Variants in ZMPSTE24 observed in about 807,000 individuals in gnomAD.
The protein encoded by ZMPSTE24 is zinc metallopeptidase STE24, also known as CAAX prenyl protease 1 homolog.
Under a neutral mutation model 56.7 loss-of-function variants are expected in ZMPSTE24, and 48 were observed. The ratio of observed to expected loss-of-function variants is 0.85; its 90% CI spans 0.67 to 1.08. The LOEUF (loss-of-function observed/expected upper bound fraction) is 1.08. Among genes scored for constraint, ZMPSTE24 ranks in the 50% least tolerant of loss-of-function variants. The pLI, the probability that ZMPSTE24 is intolerant of heterozygous loss-of-function variation, is 0.00. For missense variants in ZMPSTE24, 503 were observed against 548.7 expected (o/e 0.92, Z 0.83); for synonymous variants, 172 against 195.2 (o/e 0.88, Z 0.99).
rs1187525841 is a variant in ZMPSTE24 at position 40,293,983 on chromosome 1, A to G, written c.*1314A>G. The G allele has an allele frequency of 1.3e-5, 2 of 152,648 alleles. No individual in the cohort carries two copies. The highest frequency in any genetic ancestry group is 4.8e-5 in the African/African-American group (2 of 41,448). The allele number at this position is 152,648 out of a possible 1,614,324, so 9.5% of individuals were successfully genotyped here. A position where few individuals can be genotyped will look rare whatever the true frequency, so the allele number is the denominator to read the frequency against. ...TTGGGTGATGTCTTCACATGGAAAT[A>G]TAATAAAAATAAAAATCTAGTTTAA... On this transcript the variant is annotated 3_prime_UTR_variant, in exon 10 of 10. Coordinates refer to ENST00000372759, the MANE Select transcript of ZMPSTE24 (RefSeq NM_005857.5).
At position 40,260,855 on chromosome 1, in the gene ZMPSTE24, C is replaced by G. The variant is rs1444916145; in HGVS notation, c.140C>G (p.Thr47Arg). Residue 47 changes from threonine (T) to arginine (R), a missense_variant, in exon 2 of 10, where the codon ACA (threonine) becomes AGA (arginine). Physicochemically the swap from Thr to Arg is moderately conservative, Grantham distance 71. Coordinates refer to ENST00000372759, the MANE Select transcript of ZMPSTE24 (RefSeq NM_005857.5). ...LAQRQRRIYK[T>R]TTHVPPELGQ... ...ATATTTCAGAGAAGGATATATAAAA[C>G]AACAACTCATGTACCACCGGAGTTA... 4 of 1,613,572 alleles carry G rather than the reference C, an allele frequency of 2.5e-6. No individual in the cohort carries two copies. Among genetic ancestry groups the G allele is most frequent in the Non-Finnish European group, 3.4e-6 (4 of 1,179,662 alleles).
chr1:40,261,120 TG>T (rs1643492884), intron 2 of ZMPSTE24, 135 bp downstream of exon 2: 1 of 1,124,110 alleles, frequency 8.9e-7, no homozygotes, highest in East Asian at 2.4e-5. Flanking sequence ...GTAACGGCTG[TG>T]GAGCAAAAAA....
intron 2 of ZMPSTE24, among the ~76,000 whole-genome samples, chr1:40,263,396 C>T (rs1034949128): frequency 6.6e-6 from 1 of 152,132 alleles, no homozygotes; most frequent in African/African-American, 2.4e-5. Flanking sequence ...AATGAGGAAG[C>T]AAAGGCTTGG....
In ZMPSTE24 at chr1:40,292,907, T is replaced by G. The variant is rs1256631819; in HGVS notation, c.*238T>G. On this transcript the variant is annotated 3_prime_UTR_variant, in exon 10 of 10. Coordinates refer to ENST00000372759, the MANE Select transcript of ZMPSTE24 (RefSeq NM_005857.5). ...CATAGTTTTATCTTTGACATCTAAT[T>G]TACCATCAAGTTGTAAAATTATTTG... is the stretch of plus-strand genomic sequence containing the variant. The G allele has an allele frequency of 7.2e-6, 3 of 414,586 alleles. No homozygotes were observed. The highest frequency in any genetic ancestry group is 1.3e-5 in the Non-Finnish European group (3 of 227,588). The allele number at this position is 414,586 out of a possible 1,614,324, so 25.7% of individuals were successfully genotyped here.
At chr1:40,285,250 G>A (rs971950928) in intron 7 of ZMPSTE24, among the ~76,000 whole-genome samples, 2 of 151,938 alleles carry the variant, frequency 1.3e-5, no homozygotes, top group African/African-American at 4.8e-5. Flanking sequence ...GCAATTACAG[G>A]CGCATACCAC....
intron 6 of ZMPSTE24, among the ~76,000 whole-genome samples, chr1:40,279,099 C>G (rs937904975): frequency 6.6e-6 from 1 of 152,112 alleles, no homozygotes; most frequent in African/African-American, 2.4e-5. Context: ...CATGATTATG[C>G]CATTGCATTG....
At position 40,258,406 on chromosome 1, in the gene ZMPSTE24, C is replaced by T. The variant is rs1643460458; in HGVS notation, c.123+12C>T. The T allele has an allele frequency of 1.2e-6, 2 of 1,613,988 alleles. No individual in the cohort carries two copies. The highest frequency in any genetic ancestry group is 2.7e-5 in the African/African-American group (2 of 75,060). On this transcript the variant is annotated intron_variant, in intron 1 of 9. Transcript: ENST00000372759. ...TAGCACAGCGGCAGGTGAGCCTAGA[C>T]AGGGTCCAACCTGACCCCCATACCC... is the stretch of plus-strand genomic sequence containing the variant.
chr1:40,272,189 T>C (rs1442151003), intron 6 of ZMPSTE24, among the ~76,000 whole-genome samples, 154 bp downstream of exon 6: 1 of 152,234 alleles, frequency 6.6e-6, no homozygotes, highest in African/African-American at 2.4e-5. Flanking sequence ...TTTGGCTTTT[T>C]AAGATTTACA....
rs376356952 is a variant in ZMPSTE24, at chr1:40,273,894, T to A, written c.769+1859T>A. Among the ~76,000 whole-genome samples the A allele has an allele frequency of 5.9e-5, 9 of 152,016 alleles. No homozygotes were observed. The East Asian group carries it at 9.6e-4, about 16-fold the overall frequency. On this transcript the variant is annotated intron_variant, in intron 6 of 9. Coordinates refer to ENST00000372759, the MANE Select transcript of ZMPSTE24 (RefSeq NM_005857.5). ...GAATATGTGAAATATATCGGTGCTA[T>A]TTTCTTTTTATCTTTTTTTTTCCCC...
rs10489431 is a variant in ZMPSTE24, at chr1:40,293,392, C to T, written c.*723C>T. 0.08 allele frequency: 12,201 copies of T among 151,602 alleles called. 629 individuals carry two copies. Among genetic ancestry groups the T allele is most frequent in the East Asian group, 0.23 (1,169 of 5,166 alleles). The allele number at this position is 151,602 out of a possible 1,614,324, so 9.4% of individuals were successfully genotyped here. ...AATCCGTGTCTTTATCTTTTTTTCCCACGTGGTAGATATGATCCCATTGGA... is the reference window on the plus strand; with the variant it reads ...AATCCGTGTCTTTATCTTTTTTTCCTACGTGGTAGATATGATCCCATTGGA... On this transcript the variant is annotated 3_prime_UTR_variant, in exon 10 of 10. Transcript: ENST00000372759.
At chr1:40,271,296 C>T (rs1381078680) in intron 5 of ZMPSTE24, among the ~76,000 whole-genome samples, 1 of 152,148 alleles carries the variant, frequency 6.6e-6, no homozygotes, top group African/African-American at 2.4e-5. Context: ...GGATCAAGAT[C>T]AGAAAATGGG....
At chr1:40,271,845 T>G in intron 5 of ZMPSTE24, 49 bp from the exon 6 acceptor site, 1 of 1,597,176 alleles carries the variant, frequency 6.3e-7, no homozygotes, top group Non-Finnish European at 8.6e-7. Context: ...TAAAGAATGT[T>G]TTTTCTTTAA....
intron 6 of ZMPSTE24, among the ~76,000 whole-genome samples, chr1:40,279,119 C>G (rs989943996): frequency 6.6e-6 from 1 of 152,058 alleles, no homozygotes; most frequent in African/African-American, 2.4e-5. Flanking sequence ...GCAGCCTAGA[C>G]GACAGAGAGA....
At chr1:40,267,158 A>G (rs1388397008) in intron 2 of ZMPSTE24, among the ~76,000 whole-genome samples, 1 of 151,982 alleles carries the variant, frequency 6.6e-6, no homozygotes, top group Admixed American at 6.5e-5. Context: ...CTTTATTGAG[A>G]TAATTCATGT....
intron 1 of ZMPSTE24, among the ~76,000 whole-genome samples, chr1:40,258,611 A>G (rs754771158): frequency 4.6e-5 from 7 of 151,784 alleles, no homozygotes; most frequent in Non-Finnish European, 8.8e-5. Context: ...ATGGGACCCA[A>G]TCCCTTTAGG....
chr1:40,258,344 C>G lies in ZMPSTE24; in HGVS notation c.73C>G (p.Leu25Val). The G allele has an allele frequency of 6.2e-7, 1 of 1,614,206 alleles. No homozygotes were observed. Among genetic ancestry groups the G allele is most frequent in the Non-Finnish European group, 8.5e-7 (1 of 1,180,042 alleles). ...AEKRIFGAVL[L>V]FSWTVYLWET... ...GAAGCGTATCTTCGGGGCCGTGCTGCTCTTTTCCTGGACAGTGTATCTTTG... is the reference window on the plus strand; with the variant it reads ...GAAGCGTATCTTCGGGGCCGTGCTGGTCTTTTCCTGGACAGTGTATCTTTG... The change falls in exon 1 of 10, where the codon CTC (leucine) becomes GTC (valine). Residue 25 changes from leucine (L) to valine (V), a missense_variant. By Grantham distance (32) the Leu-to-Val change is conservative. Transcript: ENST00000372759.
intron 8 of ZMPSTE24, among the ~76,000 whole-genome samples, chr1:40,288,460 T>A (rs1162160476): frequency 2.0e-5 from 3 of 152,212 alleles, no homozygotes; most frequent in Non-Finnish European, 4.4e-5. Flanking sequence ...TGAGATGTGG[T>A]ACCTTATCAA....
At position 40,277,964 on chromosome 1, in the gene ZMPSTE24, CAAAAAAAAAAAAA is replaced by C. The variant is rs35695915; in HGVS notation, c.770-3367_770-3355del. On this transcript the variant is annotated intron_variant, in intron 6 of 9. Transcript: ENST00000372759. ...TAGGCAACAGAGCAAGACTCCATCT[CAAAAAAAAAAAAA>C]AAAAAAAAAAATTTAGGATCAGGAA... is the stretch of plus-strand genomic sequence containing the variant. Among the ~76,000 whole-genome samples the C allele has an allele frequency of 2.3e-4, 11 of 48,330 alleles. No individual in the cohort carries two copies. The Admixed American group carries it at 2.4e-3, about 11-fold the overall frequency. The allele number at this position is 48,330 out of a possible 152,430, so 31.7% of individuals were successfully genotyped here. A position where few individuals can be genotyped will look rare whatever the true frequency, so the allele number is the denominator to read the frequency against.
At chr1:40,274,533 A>G (rs922770414) in intron 6 of ZMPSTE24, among the ~76,000 whole-genome samples, 2 of 152,220 alleles carry the variant, frequency 1.3e-5, no homozygotes, top group Admixed American at 1.3e-4. Flanking sequence ...GAAGATGTTC[A>G]AGGACCATGA....
Sources: allele counts gnomAD v4.1 joint callset (sites outside exome capture counted in the v4.1 genomes callset), GRCh38; gene constraint gnomAD v4.1.1; transcripts MANE v1.5; gene names NCBI Gene and HGNC (gene_info 2026-07-23, HGNC 2026-07-21).